Variants in RIDA observed in about 807,000 individuals in gnomAD.
RIDA encodes the protein 2-iminobutanoate/2-iminopropanoate deaminase.
RIDA carries 17 observed loss-of-function variants against 17.8 expected under a neutral mutation model. The ratio of observed to expected loss-of-function variants is 0.96; its 90% CI spans 0.65 to 1.43. The LOEUF (loss-of-function observed/expected upper bound fraction) is 1.43. RIDA is among the 40% of genes most tolerant of loss of function. The pLI is 0.00. For synonymous variants in RIDA, 48 were observed against 55.7 expected (o/e 0.86, Z 0.62); for missense variants, 158 against 161.7 (o/e 0.98, Z 0.12).
intron 2 of RIDA, among the ~76,000 whole-genome samples, chr8:98,107,098 T>C (rs1032730992): frequency 1.3e-5 from 2 of 152,236 alleles, no homozygotes; most frequent in African/African-American, 4.8e-5. Context: ...ATACTGTGCA[T>C]GTTGTTCTGC....
chr8:98,112,195 A>AACACAC lies in RIDA; in HGVS notation c.66-3450_66-3445dup, dbSNP rs56178607. On this transcript the variant is annotated intron_variant, in intron 1 of 5. Coordinates refer to ENST00000254878, the MANE Select transcript of RIDA (RefSeq NM_005836.3). ...TGTTATCATAAATAAAACTATACTAAACACACACACACACACACACACACA... is the reference window on the plus strand; with the variant it reads ...TGTTATCATAAATAAAACTATACTAAACACACACACACACACACACACACACACACA... Among the ~76,000 whole-genome samples, 1,243 of 148,044 alleles carry AACACAC rather than the reference A, an allele frequency of 8.4e-3. 10 individuals are homozygous for AACACAC. The highest frequency in any genetic ancestry group is 0.027 in the South Asian group (124 of 4,612).
At chr8:98,105,120 CAAAAAAAAA>C (rs11354936) in intron 4 of RIDA, among the ~76,000 whole-genome samples, 4 of 88,058 alleles carry the variant, frequency 4.5e-5, no homozygotes, top group Non-Finnish European at 8.5e-5. Flanking sequence ...AGCTTTCTGG[CAAAAAAAAA>C]AAAAAAAAAA....
At chr8:98,108,530 TA>T in intron 2 of RIDA, 115 bp downstream of exon 2, 1 of 699,980 alleles carries the variant, frequency 1.4e-6, no homozygotes, top group Admixed American at 2.3e-5. Flanking sequence ...GTAAGTAGTT[TA>T]AAAAACATTT....
chr8:98,106,154 A>C, intron 3 of RIDA, 118 bp downstream of exon 3: 1 of 1,164,330 alleles, frequency 8.6e-7, no homozygotes, highest in Non-Finnish European at 1.3e-6. Flanking sequence ...GTTGCTATTT[A>C]AAACAACTTT....
intron 1 of RIDA, among the ~76,000 whole-genome samples, chr8:98,114,310 C>T (rs995766657): frequency 6.8e-6 from 1 of 147,520 alleles, no homozygotes; most frequent in Non-Finnish European, 1.5e-5. Context: ...CCACCACAAC[C>T]TGTACCCTGC....
intron 1 of RIDA, among the ~76,000 whole-genome samples, chr8:98,112,330 G>A (rs887933458): frequency 2.6e-5 from 4 of 152,066 alleles, no homozygotes; most frequent in Middle Eastern, 3.4e-3. Context: ...AACTCATCCT[G>A]TTATTATCCT....
intron 5 of RIDA, among the ~76,000 whole-genome samples, 164 bp downstream of exon 5, chr8:98,104,325 G>A (rs1408087905): frequency 6.6e-6 from 1 of 152,000 alleles, no homozygotes; most frequent in Non-Finnish European, 1.5e-5. Flanking sequence ...GGCCTCAAGC[G>A]ATCCTCCTGT....
chr8:98,116,769 T>C (rs1163965625), intron 1 of RIDA, among the ~76,000 whole-genome samples: 1 of 152,030 alleles, frequency 6.6e-6, no homozygotes, highest in Non-Finnish European at 1.5e-5. Flanking sequence ...AAACACAGGG[T>C]CTGAAGGCTT....
At chr8:98,115,388 C>CA (rs766262204) in intron 1 of RIDA, among the ~76,000 whole-genome samples, 919 of 41,098 alleles carry the variant, frequency 0.022, 43 homozygotes, top group East Asian at 0.036. Flanking sequence ...ACTCTGCCTC[C>CA]AAAAAAAAAA....
intron 4 of RIDA, among the ~76,000 whole-genome samples, chr8:98,105,260 T>C (rs1227407529): frequency 6.6e-6 from 1 of 152,178 alleles, no homozygotes; most frequent in Non-Finnish European, 1.5e-5. Flanking sequence ...CCAGAAATTT[T>C]GGCAAGTACT....
chr8:98,105,120 CAAAAAA>C (rs11354936), intron 4 of RIDA, among the ~76,000 whole-genome samples: 2 of 88,058 alleles, frequency 2.3e-5, no homozygotes, highest in Non-Finnish European at 4.2e-5. Flanking sequence ...AGCTTTCTGG[CAAAAAA>C]AAAAAAAAAA....
intron 2 of RIDA, among the ~76,000 whole-genome samples, chr8:98,108,181 C>T (rs573527564): frequency 3.0e-4 from 45 of 152,260 alleles, no homozygotes; most frequent in Middle Eastern, 6.8e-3. Context: ...TCCCAAAGTG[C>T]TAGGATTACA....
intron 5 of RIDA, among the ~76,000 whole-genome samples, chr8:98,103,654 T>TC (rs200042021): frequency 1.3e-5 from 2 of 151,944 alleles, no homozygotes; most frequent in South Asian, 4.1e-4. Context: ...TTTTTTTTTT[T>TC]GTGATGGAGT....
chr8:98,103,217 A>C (rs1029865922), intron 5 of RIDA, among the ~76,000 whole-genome samples: 1 of 152,248 alleles, frequency 6.6e-6, no homozygotes, highest in African/African-American at 2.4e-5. Flanking sequence ...CACAAGCTAG[A>C]TAGCAGAGGT....
chr8:98,103,008 C>T (rs1268766248), intron 5 of RIDA, 104 bp from the exon 6 acceptor site: 1 of 746,614 alleles, frequency 1.3e-6, no homozygotes, highest in East Asian at 2.5e-5. Context: ...ACATTTTTAA[C>T]ATTAAACTTT....
intron 1 of RIDA, 124 bp from the exon 2 acceptor site, chr8:98,108,875 T>C: frequency 3.3e-6 from 2 of 598,462 alleles, no homozygotes; most frequent in South Asian, 4.3e-5. Context: ...TACATTGGAC[T>C]TCATGAAAAT....
intron 1 of RIDA, among the ~76,000 whole-genome samples, chr8:98,109,968 T>C (rs1245159338): frequency 6.6e-6 from 1 of 152,090 alleles, no homozygotes; most frequent in African/African-American, 2.4e-5. Flanking sequence ...TCCAAAGAGT[T>C]TACGTGAATG....
intron 4 of RIDA, among the ~76,000 whole-genome samples, 166 bp downstream of exon 4, chr8:98,105,772 T>TG (rs1203508349): frequency 6.6e-6 from 1 of 152,200 alleles, no homozygotes; most frequent in Admixed American, 6.6e-5. Flanking sequence ...AACTTTTTCA[T>TG]GGGGGGTATA....
At chr8:98,115,578 TG>T (rs567125321) in intron 1 of RIDA, among the ~76,000 whole-genome samples, 1 of 150,648 alleles carries the variant, frequency 6.6e-6, no homozygotes, top group Non-Finnish European at 1.5e-5. Context: ...TAAATAGAGA[TG>T]GGGGTCTCAC....
Sources: gnomAD v4.1 joint callset for allele counts (sites outside exome capture counted in the v4.1 genomes callset) on GRCh38, gnomAD v4.1.1 for gene constraint, MANE v1.5 for transcripts, NCBI Gene and HGNC (gene_info 2026-07-23, HGNC 2026-07-21) for gene names.